The following DACT3 variants were observed in gnomAD, a reference collection of about 807,000 sequenced individuals.
DACT3 encodes the protein dapper homolog 3.
Under a neutral mutation model 19.6 loss-of-function variants are expected in DACT3, and 5 were observed. That is an observed-to-expected ratio of 0.26 (90% CI 0.13 to 0.54). The LOEUF is 0.54. Ranked by LOEUF, DACT3 falls within the 20% of genes least tolerant of loss-of-function variation. The pLI, the probability that DACT3 is intolerant of heterozygous loss-of-function variation, is 0.95. For missense variants in DACT3, 908 were observed against 927.4 expected, an observed-to-expected ratio of 0.98 and a Z score of 0.27; for synonymous variants, 454 against 428.1, an observed-to-expected ratio of 1.06 and a Z score of -0.75.
chr19:46,659,277 C>A (rs2053056027), intron 1 of DACT3: 3 of 983,886 alleles, frequency 3.0e-6, no homozygotes, highest in Non-Finnish European at 3.6e-6. Flanking sequence ...CAGCTCGTGC[C>A]GGGAGGACAG....
chr19:46,648,462 G>GC lies in DACT3; in HGVS notation c.*19dup. On this transcript the variant is annotated 3_prime_UTR_variant, in exon 4 of 4. Transcript: ENST00000391916. This position sits in a 1 kb window ranked among gnomAD's most constrained non-coding sequence, Gnocchi z 5.1. ...GAGGTGCAGAGGCCATGAAGGGGGAGCCCAAGCAAATCCCCAAACTCACAC... is the reference window on the plus strand; with the variant it reads ...GAGGTGCAGAGGCCATGAAGGGGGAGCCCCAAGCAAATCCCCAAACTCACAC... The GC allele has an allele frequency of 6.2e-7, 1 of 1,613,616 alleles. No individual in the cohort carries two copies. The highest frequency in any genetic ancestry group is 8.5e-7 in the Non-Finnish European group (1 of 1,179,662).
rs1256286950 is a variant in DACT3 at position 46,652,832 on chromosome 19, A to C, written c.347-20T>G. ...AGAAGCCTAAATTTCCAGGAGAAGC[A>C]GAGAGACTTCAGGGGGTTTGGGTGG... On this transcript the variant is annotated intron_variant, in intron 2 of 3. Coordinates refer to ENST00000391916, the MANE Select transcript of DACT3 (RefSeq NM_145056.3). The C allele has an allele frequency of 1.5e-5, 23 of 1,547,442 alleles. No homozygotes were observed. The highest frequency in any genetic ancestry group is 2.0e-5 in the Non-Finnish European group (23 of 1,144,168).
intron 1 of DACT3, chr19:46,659,411 A>ACAGCTACCCC: frequency 1.0e-6 from 1 of 984,030 alleles, no homozygotes; most frequent in Non-Finnish European, 1.2e-6. Flanking sequence ...ACAGCTACCC[A>ACAGCTACCCC]CAGCTACCCC....
chr19:46,652,569 G>C, intron 3 of DACT3, 91 bp downstream of exon 3: 1 of 1,343,984 alleles, frequency 7.4e-7, no homozygotes, highest in East Asian at 2.5e-5. Flanking sequence ...AGCTGGAATT[G>C]GAATCCAGGC....
At position 46,649,549 on chromosome 19, in the gene DACT3, C is replaced by G. The variant is rs2052958936; in HGVS notation, c.823G>C (p.Ala275Pro). The change falls in exon 4 of 4, where the codon GCG (alanine) becomes CCG (proline). Residue 275 changes from alanine to proline, a missense_variant. By Grantham distance (27) the Ala-to-Pro change is conservative. Transcript: ENST00000391916. ...TTCTGGCGCCGCGGGCCGCCGTCCG[C>G]GCCCCCGGGACTGGTCCGGGGCTGG... The part of the protein sequence containing the change: ...AGQPRTSPGG[A>P]DGGPRRQNSV... 9.6e-7 allele frequency: 1 copy of G among 1,044,732 alleles called. No homozygotes were observed. The highest frequency in any genetic ancestry group is 5.6e-5 in the Admixed American group (1 of 17,806). 64.7% of individuals were successfully genotyped at this position (1,044,732 alleles called of 1,614,324 possible). A position where few individuals can be genotyped will look rare whatever the true frequency, so the allele number is the denominator to read the frequency against.
chr19:46,660,656 C>A lies in DACT3; in HGVS notation c.249+160G>T, dbSNP rs2053068243. On this transcript the variant is annotated intron_variant, in intron 1 of 3. Coordinates refer to ENST00000391916, the MANE Select transcript of DACT3 (RefSeq NM_145056.3). The surrounding 1 kb of genome is among the most constrained non-coding windows in gnomAD (Gnocchi z 4.9). ...GATTTGGGGGCGGGGAGGCCAGGTC[C>A]GGCCCGCCGCCGGAACTCCGGGGTC... 6.6e-6 allele frequency among the ~76,000 whole-genome samples: 1 copy of A among 152,158 alleles called. No homozygotes were observed.
At chr19:46,658,011 T>C (rs1239220662) in intron 1 of DACT3, among the ~76,000 whole-genome samples, 1 of 151,446 alleles carries the variant, frequency 6.6e-6, no homozygotes, top group African/African-American at 2.4e-5. Context: ...GAGAATCACT[T>C]GAACCTAGGA....
Position 46,649,115 on chromosome 19 carries a change from G to C in DACT3, c.1257C>G (p.Arg419=). 7.8e-7 allele frequency: 1 copy of C among 1,290,154 alleles called. No individual in the cohort carries two copies. Among genetic ancestry groups the C allele is most frequent in the Non-Finnish European group, 9.8e-7 (1 of 1,020,406 alleles). 79.9% of individuals were successfully genotyped at this position (1,290,154 alleles called of 1,614,324 possible). The stretch of plus-strand genomic sequence containing the variant: ...TCTCAGACTGGGAGCGCGAGGCCTT[G>C]CGGGCCCTGGGCGAGCCGCGGCGGC... ...ASGRRGSPRA[R]KASRSQSETS... The change falls in exon 4 of 4, where the codon CGC becomes CGG. Residue 419 remains arginine (R), a synonymous_variant. Transcript: ENST00000391916.
At position 46,648,273 on chromosome 19, in the gene DACT3, T is replaced by G. The variant is rs2052937767; in HGVS notation, c.*209A>C. 1.5e-5 allele frequency: 12 copies of G among 777,320 alleles called. No homozygotes were observed. The highest frequency in any genetic ancestry group is 3.8e-4 in the Middle Eastern group (1 of 2,628). The allele number at this position is 777,320 out of a possible 1,614,324, so 48.2% of individuals were successfully genotyped here. A position where few individuals can be genotyped will look rare whatever the true frequency, so the allele number is the denominator to read the frequency against. On this transcript the variant is annotated 3_prime_UTR_variant, in exon 4 of 4. Transcript: ENST00000391916. The surrounding 1 kb of genome is among the most constrained non-coding windows in gnomAD (Gnocchi z 5.1). ...GCCCAAGGGCTTCCAAGCTAGAAGC[T>G]GAACTGGGTCAAACAGGGCTCCTCC...
At chr19:46,654,357 G>C in intron 1 of DACT3, 1 of 536,640 alleles carries the variant, frequency 1.9e-6, no homozygotes, top group Non-Finnish European at 2.4e-6. Context: ...GTGGTGGTTT[G>C]CGCCTGTAGT....
At chr19:46,659,931 G>A (rs1375774171) in intron 1 of DACT3, among the ~76,000 whole-genome samples, 3 of 152,180 alleles carry the variant, frequency 2.0e-5, no homozygotes, top group African/African-American at 4.8e-5. Context: ...GAGACAGAGA[G>A]ACAGGATGAA....
Position 46,661,031 on chromosome 19 carries a change from C to G in DACT3, c.34G>C (p.Glu12Gln). 1.3e-6 allele frequency: 2 copies of G among 1,520,246 alleles called. No homozygotes were observed. The highest frequency in any genetic ancestry group is 1.8e-6 in the Non-Finnish European group (2 of 1,139,856). The allele number at this position is 1,520,246 out of a possible 1,614,324, so 94.2% of individuals were successfully genotyped here. Reference sequence around the variant, plus strand: ...AGCCAGCCCCGCAGCCGGCCCCGCTCAGGGCTCACCGGGAACGAGAAGGCC... The same window carrying G: ...AGCCAGCCCCGCAGCCGGCCCCGCTGAGGGCTCACCGGGAACGAGAAGGCC... Reference protein sequence around the residue: ...IRAFSFPVSPERGRLRGWLEG... With the variant: ...IRAFSFPVSPQRGRLRGWLEG... Residue 12 changes from glutamate to glutamine, a missense_variant, in exon 1 of 4, where the codon GAG (glutamate) becomes CAG (glutamine). This residue lies in a region of DACT3 where 252 missense variants were observed against 325.6 expected (regional missense o/e 0.77). Transcript: ENST00000391916.
At chr19:46,653,539 T>TTTTTTTTTTTTATTTATTTATTTA (rs1555822614) in intron 1 of DACT3, among the ~76,000 whole-genome samples, 1 of 141,152 alleles carries the variant, frequency 7.1e-6, no homozygotes, top group Non-Finnish European at 1.5e-5. Context: ...CTTTTTTTAT[T>TTTTTTTTTTTTATTTATTTATTTA]TTTATTTATT....
chr19:46,657,557 G>T (rs562323431), intron 1 of DACT3, among the ~76,000 whole-genome samples: 36 of 151,170 alleles, frequency 2.4e-4, no homozygotes, highest in African/African-American at 7.5e-4. Context: ...GTTCCACCAC[G>T]TTAGCCAAGA....
chr19:46,654,945 C>G, intron 1 of DACT3: 1 of 985,334 alleles, frequency 1.0e-6, no homozygotes. Flanking sequence ...GGCTCCTGCC[C>G]TGGGTATATT....
chr19:46,658,955 A>G (rs971663783), intron 1 of DACT3, among the ~76,000 whole-genome samples: 2 of 152,094 alleles, frequency 1.3e-5, no homozygotes, highest in Non-Finnish European at 2.9e-5. Flanking sequence ...CACACCCCTG[A>G]TCTTTACCTG....
In DACT3 at chr19:46,660,682, G is replaced by A. The variant is rs1305030089; in HGVS notation, c.249+134C>T. On this transcript the variant is annotated intron_variant, in intron 1 of 3. Coordinates refer to ENST00000391916, the MANE Select transcript of DACT3 (RefSeq NM_145056.3). This position sits in a 1 kb window ranked among gnomAD's most constrained non-coding sequence, Gnocchi z 4.9. ...GGCCCGCCGCCGGAACTCCGGGGTC[G>A]CCAGCCCCACCCCCTGTCCTTTCTC... 5.8e-6 allele frequency: 8 copies of A among 1,371,132 alleles called. No individual in the cohort carries two copies. In the South Asian group the frequency reaches 1.2e-4, roughly 20 times the overall value. 84.9% of individuals were successfully genotyped at this position (1,371,132 alleles called of 1,614,324 possible).
chr19:46,653,992 C>T (rs969920143), intron 1 of DACT3: 4 of 985,304 alleles, frequency 4.1e-6, no homozygotes, highest in Admixed American at 1.2e-4. Flanking sequence ...AGGCTGACCA[C>T]GACTCATAAA....
At chr19:46,655,000 C>G in intron 1 of DACT3, 1 of 985,394 alleles carries the variant, frequency 1.0e-6, no homozygotes, top group Non-Finnish European at 1.2e-6. Flanking sequence ...CTCAAAAAAG[C>G]AGCTGAATTG....
Sources: allele counts gnomAD v4.1 joint callset (sites outside exome capture counted in the v4.1 genomes callset), GRCh38; gene constraint gnomAD v4.1.1; regional missense constraint gnomAD v4.1.1; non-coding constraint Gnocchi (gnomAD v3.1); transcripts MANE v1.5; gene names NCBI Gene and HGNC (gene_info 2026-07-23, HGNC 2026-07-21).